Variants in VAV3 observed in about 807,000 individuals in gnomAD.
VAV3 encodes guanine nucleotide exchange factor VAV3.
Under a neutral mutation model 131.2 loss-of-function variants are expected in VAV3, and 94 were observed. The observed-to-expected ratio is 0.72, with a 90% CI of 0.61 to 0.85. The LOEUF is 0.85. Ranked by LOEUF, VAV3 falls within the 40% of genes least tolerant of loss-of-function variation. The pLI is 0.00. For missense variants in VAV3, 939 were observed against 1,002.7 expected (o/e 0.94, Z 0.86); for synonymous variants, 349 against 342.0 (o/e 1.02, Z -0.22).
At chr1:107,802,242 G>T (rs1428071106) in intron 2 of VAV3, among the ~76,000 whole-genome samples, 1 of 147,570 alleles carries the variant, frequency 6.8e-6, no homozygotes, top group Non-Finnish European at 1.5e-5. Context: ...TGTTCTAACA[G>T]GGTTTTTTTT....
At chr1:107,866,775 A>C (rs1670003058) in intron 2 of VAV3, among the ~76,000 whole-genome samples, 1 of 126,340 alleles carries the variant, frequency 7.9e-6, no homozygotes, top group South Asian at 2.7e-4. Flanking sequence ...TTGAGCCGAG[A>C]TTGTGTCACT....
intron 21 of VAV3, among the ~76,000 whole-genome samples, chr1:107,614,646 TATC>T (rs1209604110): frequency 1.3e-5 from 2 of 152,136 alleles, no homozygotes; most frequent in Non-Finnish European, 2.9e-5. Flanking sequence ...GGTCAGCAAA[TATC>T]ATTCAATATG....
At chr1:107,827,570 G>A (rs1668070253) in intron 2 of VAV3, among the ~76,000 whole-genome samples, 1 of 152,182 alleles carries the variant, frequency 6.6e-6, no homozygotes, top group Non-Finnish European at 1.5e-5. Context: ...GCCCAAGTCA[G>A]ACATGATCAA....
intron 1 of VAV3, 144 bp downstream of exon 1, chr1:107,964,522 G>T (rs1002028914): frequency 1.2e-6 from 1 of 858,840 alleles, no homozygotes; most frequent in Admixed American, 2.9e-5. Context: ...ACGCCAAAGT[G>T]GTGCCGAAGT....
Position 107,871,936 on chromosome 1 carries a change from G to A in VAV3, c.321+2965C>T, listed in dbSNP as rs1451628015. ...AAACAACTTTAACCACCACTGGGCTGCAGACTCATGCAGTATCCTAAATCT... is the reference window on the plus strand; with the variant it reads ...AAACAACTTTAACCACCACTGGGCTACAGACTCATGCAGTATCCTAAATCT... On this transcript the variant is annotated intron_variant, in intron 2 of 26. Coordinates refer to ENST00000370056, the MANE Select transcript of VAV3 (RefSeq NM_006113.5). Among the ~76,000 whole-genome samples, 3 of 152,280 alleles carry A rather than the reference G, an allele frequency of 2.0e-5. No homozygotes were observed. The East Asian group carries it at 5.8e-4, about 29-fold the overall frequency.
chr1:107,934,068 G>A (rs1048877944), intron 1 of VAV3, among the ~76,000 whole-genome samples: 1 of 152,110 alleles, frequency 6.6e-6, no homozygotes, highest in Admixed American at 6.6e-5. Context: ...TACTCAAAAA[G>A]CTGTTTAATT....
chr1:107,908,527 T>C (rs1490064793), intron 1 of VAV3, among the ~76,000 whole-genome samples: 2 of 152,196 alleles, frequency 1.3e-5, no homozygotes, highest in Non-Finnish European at 2.9e-5. Context: ...CTTTTTATTC[T>C]TATTAACATT....
intron 2 of VAV3, among the ~76,000 whole-genome samples, chr1:107,792,974 C>A (rs749500114): frequency 1.3e-5 from 2 of 152,004 alleles, no homozygotes; most frequent in Non-Finnish European, 2.9e-5. Flanking sequence ...ATCTGTTTAT[C>A]AGTATAAATA....
rs566980439 is a variant in VAV3 at position 107,701,406 on chromosome 1, A to T, written c.1705+3144T>A. On this transcript the variant is annotated intron_variant, in intron 17 of 26. Transcript: ENST00000370056. Reference sequence around the variant, plus strand: ...AGCAGCTGGGAACACAGGGCACCAAATCCTTAAGCTGCACACAGCAGTGGG... The same window carrying T: ...AGCAGCTGGGAACACAGGGCACCAATTCCTTAAGCTGCACACAGCAGTGGG... Among the ~76,000 whole-genome samples the T allele has an allele frequency of 2.6e-5, 4 of 152,276 alleles. No individual in the cohort carries two copies. In the East Asian group the frequency reaches 7.7e-4, roughly 29 times the overall value.
chr1:107,942,287 C>G (rs80042921), intron 1 of VAV3, among the ~76,000 whole-genome samples: 17 of 152,166 alleles, frequency 1.1e-4, no homozygotes, highest in African/African-American at 3.9e-4. Context: ...CAGATGTAAA[C>G]CCTGGTGAGA....
chr1:107,692,446 A>G (rs968655130), intron 17 of VAV3, among the ~76,000 whole-genome samples: 14 of 152,136 alleles, frequency 9.2e-5, no homozygotes, highest in African/African-American at 3.4e-4. Context: ...AATTGTCTTT[A>G]TGAGTTTTAA....
intron 19 of VAV3, among the ~76,000 whole-genome samples, chr1:107,670,896 G>A (rs1657744076): frequency 6.6e-6 from 1 of 152,086 alleles, no homozygotes; most frequent in African/African-American, 2.4e-5. Flanking sequence ...AACAGTTTGA[G>A]GTTCCAAGAA....
intron 19 of VAV3, among the ~76,000 whole-genome samples, chr1:107,652,169 G>T (rs908556931): frequency 3.3e-5 from 5 of 152,104 alleles, no homozygotes; most frequent in African/African-American, 1.2e-4. Flanking sequence ...CAGTAAAGAA[G>T]CCGGCTAAAT....
At chr1:107,576,567 T>C (rs897023690) in intron 25 of VAV3, 19 of 1,046,088 alleles carry the variant, frequency 1.8e-5, no homozygotes, top group Non-Finnish European at 2.1e-5. Flanking sequence ...ACTTCTTTCC[T>C]ATCACCATTT....
intron 25 of VAV3, among the ~76,000 whole-genome samples, chr1:107,591,434 T>TG (rs1558071530): frequency 7.3e-5 from 11 of 150,540 alleles, no homozygotes; most frequent in African/African-American, 1.8e-4. Flanking sequence ...AATGAATGAA[T>TG]AAATGAATGA....
At chr1:107,686,524 T>G (rs962300108) in intron 18 of VAV3, among the ~76,000 whole-genome samples, 2 of 152,178 alleles carry the variant, frequency 1.3e-5, no homozygotes, top group East Asian at 1.9e-4. Context: ...ACACCTGGTA[T>G]AGGGTGAGAG....
In VAV3 at chr1:107,617,487, T is replaced by C. The variant is rs111570831; in HGVS notation, c.1980+80A>G. ...AAATTAATAACTGACCTGGCCAGTA[T>C]CCTTTGTAGATTTTTGCACAATTAA... On this transcript the variant is annotated intron_variant, in intron 21 of 26. Transcript: ENST00000370056. The C allele has an allele frequency of 1.3e-4, 162 of 1,249,728 alleles. No individual in the cohort carries two copies. In the African/African-American group the frequency reaches 1.6e-3, roughly 12 times the overall value. 77.4% of individuals were successfully genotyped at this position (1,249,728 alleles called of 1,614,324 possible).
At chr1:107,655,979 G>A (rs1015233251) in intron 19 of VAV3, among the ~76,000 whole-genome samples, 4 of 152,118 alleles carry the variant, frequency 2.6e-5, no homozygotes, top group Non-Finnish European at 4.4e-5. Context: ...GGAGAAAGGG[G>A]AACCCTCATA....
At chr1:107,581,683 T>A (rs1394808477) in intron 25 of VAV3, among the ~76,000 whole-genome samples, 2 of 152,186 alleles carry the variant, frequency 1.3e-5, no homozygotes, top group East Asian at 3.8e-4. Context: ...TATGGTAGGA[T>A]AAAAAAGTAC....
Sources: gnomAD v4.1 joint callset for allele counts (sites outside exome capture counted in the v4.1 genomes callset) on GRCh38, gnomAD v4.1.1 for gene constraint, MANE v1.5 for transcripts, NCBI Gene and HGNC (gene_info 2026-07-23, HGNC 2026-07-21) for gene names.